Variants in LRP1B observed in about 807,000 individuals in gnomAD.
LRP1B encodes low-density lipoprotein receptor-related protein 1B.
A neutral mutation model predicts 556.6 loss-of-function variants in LRP1B; 217 were observed. That is an observed-to-expected ratio of 0.39 (90% confidence interval 0.35 to 0.44). LRP1B has a LOEUF of 0.44. Ranked by LOEUF, LRP1B falls within the 20% of genes least tolerant of loss-of-function variation. The pLI, the probability that LRP1B is intolerant of heterozygous loss-of-function variation, is 1.00. For missense variants in LRP1B, 5,053 were observed against 5,620.8 expected (o/e 0.90, Z 3.23); for synonymous variants, 2,047 against 1,865.8 (o/e 1.10, Z -2.50).
chr2:140,755,082 G>T (rs1189733242), intron 35 of LRP1B, among the ~76,000 whole-genome samples: 1 of 151,940 alleles, frequency 6.6e-6, no homozygotes. Flanking sequence ...TAGATAAAAT[G>T]TACAAATTTT....
intron 3 of LRP1B, among the ~76,000 whole-genome samples, chr2:141,421,980 G>A (rs1258600763): frequency 1.3e-5 from 2 of 152,180 alleles, no homozygotes; most frequent in Admixed American, 6.5e-5. Flanking sequence ...CATTTCTGAA[G>A]ACAGGGATTT....
At chr2:141,612,018 G>A (rs982541426) in intron 2 of LRP1B, among the ~76,000 whole-genome samples, 30 of 152,204 alleles carry the variant, frequency 2.0e-4, no homozygotes, top group Non-Finnish European at 5.9e-5. Context: ...AGGAAAGTAT[G>A]GAACTACAAT....
At chr2:141,529,757 C>G (rs1684807301) in intron 2 of LRP1B, among the ~76,000 whole-genome samples, 1 of 152,094 alleles carries the variant, frequency 6.6e-6, no homozygotes, top group Non-Finnish European at 1.5e-5. Flanking sequence ...AAAAACTTCT[C>G]TACATAAAGG....
At position 141,062,069 on chromosome 2, in the gene LRP1B, A is replaced by T. The variant is rs1699351272; in HGVS notation, c.1218T>A (p.Thr406=). ...TACTTACTTGTCTGCCTTGAATGAC[A>T]GTGTGTCTATTTTTTCCTTGATAGT... is the stretch of plus-strand genomic sequence containing the variant. ...VVDYQGKNRH[T]VIQGRQVRHL... Residue 406 remains threonine, a synonymous_variant, in exon 8 of 91, where the codon ACT becomes ACA. Coordinates refer to ENST00000389484, the MANE Select transcript of LRP1B (RefSeq NM_018557.3). 6.2e-7 allele frequency: 1 copy of T among 1,611,646 alleles called. No individual in the cohort carries two copies. Among genetic ancestry groups the T allele is most frequent in the Non-Finnish European group, 8.5e-7 (1 of 1,178,352 alleles).
At chr2:142,008,955 C>T (rs1019467537) in intron 1 of LRP1B, among the ~76,000 whole-genome samples, 4 of 152,082 alleles carry the variant, frequency 2.6e-5, no homozygotes, top group African/African-American at 9.7e-5. Flanking sequence ...ATTCCACCAC[C>T]CAGAACCCTG....
chr2:141,485,458 T>G lies in LRP1B; in HGVS notation c.206-4925A>C, dbSNP rs17548995. On this transcript the variant is annotated intron_variant, in intron 2 of 90. Transcript: ENST00000389484. ...CAGACCTCTTTGACCAGTGCTAGGA[T>G]ATTTCAGTTGGAAAACTGCTTAAAT... Among the ~76,000 whole-genome samples the G allele has an allele frequency of 3.2e-3, 488 of 152,288 alleles. 4 individuals carry two copies. The highest frequency in any genetic ancestry group is 7.5e-3 in the Admixed American group (114 of 15,284).
At chr2:141,368,049 A>G (rs1445753575) in intron 3 of LRP1B, among the ~76,000 whole-genome samples, 5 of 152,126 alleles carry the variant, frequency 3.3e-5, no homozygotes, top group African/African-American at 4.8e-5. Context: ...CTATTTTTAG[A>G]TTTTTCCGTT....
chr2:140,452,222 AAC>A (rs1322998005), intron 62 of LRP1B, among the ~76,000 whole-genome samples: 2 of 152,122 alleles, frequency 1.3e-5, no homozygotes, highest in Admixed American at 6.6e-5. Context: ...CCCAAATATA[AAC>A]AGTGACCAAA....
At chr2:141,305,925 T>C (rs1686570735) in intron 3 of LRP1B, among the ~76,000 whole-genome samples, 1 of 152,196 alleles carries the variant, frequency 6.6e-6, no homozygotes, top group South Asian at 2.1e-4. Flanking sequence ...CCTTGCATAA[T>C]TGAGATAAAT....
At chr2:140,839,661 T>G (rs1692035803) in intron 31 of LRP1B, among the ~76,000 whole-genome samples, 1 of 152,212 alleles carries the variant, frequency 6.6e-6, no homozygotes, top group Non-Finnish European at 1.5e-5. Context: ...TCGGCTTTCC[T>G]ACTTTTGAGG....
At chr2:141,291,278 T>C (rs535443321) in intron 3 of LRP1B, among the ~76,000 whole-genome samples, 1 of 152,198 alleles carries the variant, frequency 6.6e-6, no homozygotes, top group Non-Finnish European at 1.5e-5. Flanking sequence ...ATTTTGCTTT[T>C]ACTAATATTT....
chr2:141,150,554 A>G (rs1039952444), intron 7 of LRP1B, among the ~76,000 whole-genome samples: 4 of 152,154 alleles, frequency 2.6e-5, no homozygotes, highest in Non-Finnish European at 5.9e-5. Flanking sequence ...TATAAGTCCA[A>G]TTCATATTTC....
chr2:142,088,781 C>T (rs1254828046), intron 1 of LRP1B, among the ~76,000 whole-genome samples: 2 of 151,956 alleles, frequency 1.3e-5, no homozygotes, highest in Non-Finnish European at 2.9e-5. Context: ...CGAGACCATC[C>T]TGGCTAACAC....
chr2:141,228,047 C>T (rs1683312867), intron 6 of LRP1B, among the ~76,000 whole-genome samples: 1 of 152,068 alleles, frequency 6.6e-6, no homozygotes, highest in Non-Finnish European at 1.5e-5. Flanking sequence ...CTGGCTCAAC[C>T]TCCCAAGTAG....
chr2:141,178,724 G>A (rs982071127), intron 7 of LRP1B, among the ~76,000 whole-genome samples: 1 of 152,046 alleles, frequency 6.6e-6, no homozygotes, highest in Admixed American at 6.6e-5. Flanking sequence ...TTTCCTCATT[G>A]ACTTGCATCC....
intron 2 of LRP1B, among the ~76,000 whole-genome samples, chr2:141,485,211 A>G (rs999494173): frequency 6.6e-6 from 1 of 152,138 alleles, no homozygotes; most frequent in Non-Finnish European, 1.5e-5. Context: ...CATCTTTGAT[A>G]TACTCTTGTC....
At chr2:140,412,434 T>C (rs530894423) in intron 66 of LRP1B, among the ~76,000 whole-genome samples, 5 of 152,198 alleles carry the variant, frequency 3.3e-5, no homozygotes, top group East Asian at 1.9e-4. Context: ...AAAATATGTA[T>C]GCAAATGCAG....
rs751612164 is a variant in LRP1B at position 141,919,664 on chromosome 2, G to A, written c.83-109263C>T. 5.9e-4 allele frequency among the ~76,000 whole-genome samples: 89 copies of A among 152,110 alleles called. 1 individual carries two copies. The highest frequency in any genetic ancestry group is 6.8e-3 in the Middle Eastern group (2 of 292). ...ACAGCAATATTTTTTAATTAGGCAT[G>A]ACAGCATTAATAATGCAGTATATTA... On this transcript the variant is annotated intron_variant, in intron 1 of 90. Coordinates refer to ENST00000389484, the MANE Select transcript of LRP1B (RefSeq NM_018557.3).
intron 3 of LRP1B, among the ~76,000 whole-genome samples, chr2:141,396,152 CA>C (rs199665998): frequency 1.3e-5 from 2 of 151,168 alleles, no homozygotes; most frequent in Non-Finnish European, 1.5e-5. Flanking sequence ...AGGCAGCTGT[CA>C]AAAAAAATAC....
Sources: gnomAD v4.1 joint callset for allele counts (sites outside exome capture counted in the v4.1 genomes callset) on GRCh38, gnomAD v4.1.1 for gene constraint, MANE v1.5 for transcripts, NCBI Gene and HGNC (gene_info 2026-07-23, HGNC 2026-07-21) for gene names.